ARHGEF33: variants seen among roughly 807,000 people sequenced by gnomAD.
ARHGEF33 encodes the protein Rho guanine nucleotide exchange factor 33.
Under a neutral mutation model 101.9 loss-of-function variants are expected in ARHGEF33, and 72 were observed. The observed-to-expected ratio is 0.71, with a 90% CI of 0.58 to 0.86. The LOEUF (loss-of-function observed/expected upper bound fraction) is 0.86. Among genes scored for constraint, ARHGEF33 ranks in the 40% least tolerant of loss-of-function variants. The probability of loss-of-function intolerance (pLI) is 0.00; values close to 1 mark genes in which losing one functional copy is unlikely to be tolerated. For synonymous variants in ARHGEF33, 499 were observed against 442.5 expected, an observed-to-expected ratio of 1.13 and a Z score of -1.60; for missense variants, 1,169 against 1,111.3, an observed-to-expected ratio of 1.05 and a Z score of -0.74.
Position 38,973,978 on chromosome 2 carries a change from TATAA to T in ARHGEF33, c.*139_*142del, listed in dbSNP as rs984494484. On this transcript the variant is annotated 3_prime_UTR_variant, in exon 18 of 18. Coordinates refer to ENST00000409978, the MANE Select transcript of ARHGEF33 (RefSeq NM_001145451.5). Reference sequence around the variant, plus strand: ...TGTATAAATCCCTGAGGAAAACTAATATAAATACTTACATATGAAACTAAACATA... The same window carrying T: ...TGTATAAATCCCTGAGGAAAACTAATATACTTACATATGAAACTAAACATA... The T allele has an allele frequency of 1.6e-5, 8 of 507,906 alleles. No individual in the cohort carries two copies. Among genetic ancestry groups the T allele is most frequent in the African/African-American group, 2.1e-5 (1 of 48,338 alleles). 31.5% of individuals were successfully genotyped at this position (507,906 alleles called of 1,614,324 possible).
chr2:38,914,538 A>T (rs1035570536), intron 2 of ARHGEF33, among the ~76,000 whole-genome samples: 3 of 152,044 alleles, frequency 2.0e-5, no homozygotes, highest in Admixed American at 1.3e-4. Context: ...GTGGTGGCAC[A>T]CACCTATAAT....
chr2:38,939,267 C>T (rs1057268982), intron 9 of ARHGEF33, among the ~76,000 whole-genome samples: 1 of 152,204 alleles, frequency 6.6e-6, no homozygotes, highest in Non-Finnish European at 1.5e-5. Flanking sequence ...AGCCACTGTG[C>T]CTAGCTAGCT....
chr2:38,959,923 G>C lies in ARHGEF33; in HGVS notation c.1618G>C (p.Glu540Gln). The C allele has an allele frequency of 1.9e-6, 3 of 1,551,838 alleles. No individual in the cohort carries two copies. The highest frequency in any genetic ancestry group is 2.6e-6 in the Non-Finnish European group (3 of 1,146,952). ...GCAGCCCGGGAAGCCCAGTGACTGGGAGCTGGAGGGCAGGAAGCACGAGCG... is the reference window on the plus strand; with the variant it reads ...GCAGCCCGGGAAGCCCAGTGACTGGCAGCTGGAGGGCAGGAAGCACGAGCG... ...SMQPGKPSDW[E>Q]LEGRKHERPE... The change falls in exon 16 of 18, where the codon GAG becomes CAG. Residue 540 changes from glutamate to glutamine, a missense_variant. Glu to Gln is a conservative substitution (Grantham distance 29, BLOSUM62 2). Transcript: ENST00000409978.
intron 1 of ARHGEF33, among the ~76,000 whole-genome samples, chr2:38,892,145 C>T (rs372842215): frequency 2.0e-5 from 3 of 152,092 alleles, no homozygotes; most frequent in South Asian, 2.1e-4. Flanking sequence ...GAATTTATTT[C>T]CTGAGAATGA....
chr2:38,924,744 A>T (rs1422078775), intron 4 of ARHGEF33, among the ~76,000 whole-genome samples: 1 of 152,210 alleles, frequency 6.6e-6, no homozygotes. Flanking sequence ...GGTCAAATAT[A>T]ATTTGTATAG....
chr2:38,897,165 C>T (rs558948462), intron 2 of ARHGEF33, among the ~76,000 whole-genome samples: 8 of 152,126 alleles, frequency 5.3e-5, no homozygotes, highest in South Asian at 2.1e-4. Flanking sequence ...CCGCCCGCCT[C>T]GGCCTCCAAA....
intron 11 of ARHGEF33, 84 bp from the exon 12 acceptor site, chr2:38,953,078 C>A (rs1273050193): frequency 4.3e-6 from 3 of 705,244 alleles, no homozygotes; most frequent in Admixed American, 2.2e-5. Flanking sequence ...GCAAAGTACT[C>A]TTCTTTTACA....
intron 2 of ARHGEF33, among the ~76,000 whole-genome samples, chr2:38,896,686 T>C (rs1666130772): frequency 6.6e-6 from 1 of 152,170 alleles, no homozygotes; most frequent in African/African-American, 2.4e-5. Context: ...AAGCTAGATG[T>C]CTGACACACT....
chr2:38,897,073 AC>A (rs927711535), intron 2 of ARHGEF33, among the ~76,000 whole-genome samples: 1 of 151,948 alleles, frequency 6.6e-6, no homozygotes, highest in African/African-American at 2.4e-5. Context: ...ACACCACCGC[AC>A]CCAGCTAATT....
At position 38,942,900 on chromosome 2, in the gene ARHGEF33, T is replaced by C. The variant is rs117829198; in HGVS notation, c.791-1001T>C. Among the ~76,000 whole-genome samples, 523 of 152,316 alleles carry C rather than the reference T, an allele frequency of 3.4e-3. 14 individuals are homozygous for C. The East Asian group carries it at 0.063, about 18-fold the overall frequency. ...GTGGGCTTCATTATAGACAGGCTAA[T>C]CAGATGGCAAATTAACTTTTGATAA... On this transcript the variant is annotated intron_variant, in intron 9 of 17. Coordinates refer to ENST00000409978, the MANE Select transcript of ARHGEF33 (RefSeq NM_001145451.5).
At chr2:38,967,772 A>G (rs1404900405) in intron 17 of ARHGEF33, among the ~76,000 whole-genome samples, 157 of 129,832 alleles carry the variant, frequency 1.2e-3, no homozygotes, top group African/African-American at 4.0e-3. Context: ...TAGAGACAGG[A>G]TTTCACCATG....
At chr2:38,936,487 C>A (rs1667133425) in intron 8 of ARHGEF33, among the ~76,000 whole-genome samples, 1 of 152,158 alleles carries the variant, frequency 6.6e-6, no homozygotes, top group Admixed American at 6.5e-5. Context: ...TCAATACATA[C>A]TATAAATTAG....
chr2:38,960,673 C>T lies in ARHGEF33; in HGVS notation c.2343+25C>T, dbSNP rs770599347. On this transcript the variant is annotated intron_variant, in intron 16 of 17. Transcript: ENST00000409978. Reference sequence around the variant, plus strand: ...GGTAAAGTAAAACCGAACCGAAACCCACAGCGTCGACGGCCCCAGGCCTAG... The same window carrying T: ...GGTAAAGTAAAACCGAACCGAAACCTACAGCGTCGACGGCCCCAGGCCTAG... 9.8e-5 allele frequency: 134 copies of T among 1,374,322 alleles called. 2 individuals are homozygous for T. Among genetic ancestry groups the T allele is most frequent in the East Asian group, 2.4e-4 (6 of 25,394 alleles). The allele number at this position is 1,374,322 out of a possible 1,614,324, so 85.1% of individuals were successfully genotyped here. A position where few individuals can be genotyped will look rare whatever the true frequency, so the allele number is the denominator to read the frequency against.
intron 13 of ARHGEF33, 27 bp from the exon 14 acceptor site, chr2:38,956,872 T>C (rs754993799): frequency 3.2e-6 from 5 of 1,550,304 alleles, no homozygotes; most frequent in African/African-American, 1.4e-5. Flanking sequence ...GATTATGCAA[T>C]GCTACTTCCT....
chr2:38,919,023 G>A (rs1034018363), intron 2 of ARHGEF33, among the ~76,000 whole-genome samples: 2 of 152,156 alleles, frequency 1.3e-5, no homozygotes, highest in African/African-American at 4.8e-5. Context: ...TCTATCCCGG[G>A]TGACAGAACA....
chr2:38,961,552 G>T (rs1443848812), intron 16 of ARHGEF33, among the ~76,000 whole-genome samples: 1 of 152,120 alleles, frequency 6.6e-6, no homozygotes, highest in Non-Finnish European at 1.5e-5. Flanking sequence ...CCACCCTTCC[G>T]TTCCAACTAT....
chr2:38,957,729 T>G (rs926111581), intron 14 of ARHGEF33, among the ~76,000 whole-genome samples: 2 of 152,144 alleles, frequency 1.3e-5, no homozygotes, highest in Non-Finnish European at 2.9e-5. Context: ...AACAACCATT[T>G]CTGTGGAAGC....
At position 38,922,430 on chromosome 2, in the gene ARHGEF33, A is replaced by G. The variant is rs534818891; in HGVS notation, c.75+1007A>G. Among the ~76,000 whole-genome samples, 6 of 152,328 alleles carry G rather than the reference A, an allele frequency of 3.9e-5. 1 individual carries two copies. In the South Asian group the frequency reaches 1.2e-3, roughly 32 times the overall value. The stretch of plus-strand genomic sequence containing the variant: ...ATTTGTCGAGTTTAAGTGACAGTAA[A>G]GTGAAAATGACAACTACTTCCCAGA... On this transcript the variant is annotated intron_variant, in intron 4 of 17. Coordinates refer to ENST00000409978, the MANE Select transcript of ARHGEF33 (RefSeq NM_001145451.5).
rs1251167752 is a variant in ARHGEF33, at chr2:38,960,794, G to GAA, written c.2343+146_2343+147insAA. ...GCGCGAGCCGTCGGCGGGTGGAGGC[G>GAA]GAGGGAGAGCAGGGGCAGCCCCCGC... On this transcript the variant is annotated intron_variant, in intron 16 of 17. Transcript: ENST00000409978. 7.6e-5 allele frequency: 49 copies of GAA among 642,760 alleles called. No homozygotes were observed. The Admixed American group carries it at 1.4e-3, about 19-fold the overall frequency. 39.8% of individuals were successfully genotyped at this position (642,760 alleles called of 1,614,324 possible).
Sources: gnomAD v4.1 joint callset for allele counts (sites outside exome capture counted in the v4.1 genomes callset) on GRCh38, gnomAD v4.1.1 for gene constraint, MANE v1.5 for transcripts, NCBI Gene and HGNC (gene_info 2026-07-23, HGNC 2026-07-21) for gene names.